The following NLRC5 variants were observed in gnomAD, a reference collection of about 807,000 sequenced individuals.
NLRC5 encodes the protein NLR family CARD domain containing 5.
In NLRC5, 114 loss-of-function variants were observed where a neutral mutation model predicts 206.9. The ratio of observed to expected loss-of-function variants is 0.55; its 90% CI spans 0.47 to 0.64. NLRC5 has a LOEUF of 0.64. Ranked by LOEUF, NLRC5 falls within the 30% of genes least tolerant of loss-of-function variation. The pLI is 0.00. For missense variants in NLRC5, 2,008 were observed against 2,305.5 expected (o/e 0.87, Z 2.64); for synonymous variants, 952 against 962.8 (o/e 0.99, Z 0.21).
At chr16:57,011,392 G>A (rs1416195953) in intron 1 of NLRC5, among the ~76,000 whole-genome samples, 5 of 143,332 alleles carry the variant, frequency 3.5e-5, no homozygotes, top group South Asian at 2.3e-4. Context: ...AAGTCTAGGC[G>A]ACAGAGGGAG....
At chr16:57,075,395 T>C (rs1053829706) in intron 39 of NLRC5, among the ~76,000 whole-genome samples, 1 of 152,132 alleles carries the variant, frequency 6.6e-6, no homozygotes, top group Non-Finnish European at 1.5e-5. Context: ...AATTTTTGTA[T>C]TTTTGGTAGA....
At chr16:57,047,918 C>T (rs546347087) in intron 23 of NLRC5, 1 of 459,622 alleles carries the variant, frequency 2.2e-6, no homozygotes, top group Non-Finnish European at 4.0e-6. Context: ...CCTCCAACCC[C>T]ACCCCTGGAG....
chr16:57,009,929 T>C (rs2142552974), intron 1 of NLRC5, among the ~76,000 whole-genome samples: 1 of 152,054 alleles, frequency 6.6e-6, no homozygotes, highest in Non-Finnish European at 1.5e-5. Flanking sequence ...TATTGGGGGA[T>C]GGGTGGACAG....
intron 26 of NLRC5, 75 bp from the exon 27 acceptor site, chr16:57,055,358 T>G (rs1597379389): frequency 7.1e-7 from 1 of 1,417,812 alleles, no homozygotes; most frequent in African/African-American, 1.4e-5. Context: ...GGCTGTGCCC[T>G]GGGCTAGCCA....
intron 21 of NLRC5, among the ~76,000 whole-genome samples, chr16:57,045,964 G>A (rs775237274): frequency 3.9e-5 from 6 of 152,220 alleles, no homozygotes; most frequent in South Asian, 2.1e-4. Flanking sequence ...TGATGTTCCC[G>A]GCTGCCCTCT....
chr16:57,078,541 G>C (rs970328319), intron 43 of NLRC5, among the ~76,000 whole-genome samples: 2 of 146,952 alleles, frequency 1.4e-5, no homozygotes, highest in Non-Finnish European at 3.0e-5. Context: ...GTGCAACCTC[G>C]GCTCACTGCA....
chr16:57,075,153 G>T (rs905308747), intron 39 of NLRC5, among the ~76,000 whole-genome samples: 2 of 151,312 alleles, frequency 1.3e-5, no homozygotes, highest in Non-Finnish European at 2.9e-5. Context: ...TGATCCTCCT[G>T]CCTCACCCTC....
At position 57,067,781 on chromosome 16, in the gene NLRC5, G is replaced by A. The variant is rs780353927; in HGVS notation, c.4452G>A (p.Leu1484=). 1 of 1,614,206 alleles carries A rather than the reference G, an allele frequency of 6.2e-7. No individual in the cohort carries two copies. Among genetic ancestry groups the A allele is most frequent in the Non-Finnish European group, 8.5e-7 (1 of 1,180,012 alleles). ...GTGAGGACGATGATGCCAGTTCCCT[G>A]CTGCTGCAGAGCCTCCTGCTGTCCC... The part of the protein sequence containing the change: ...NLCEDDDASS[L]LLQSLLLSLS... The change falls in exon 36 of 49, where the codon CTG becomes CTA. Residue 1484 remains leucine (L), a synonymous_variant. Transcript: ENST00000688547.
intron 43 of NLRC5, among the ~76,000 whole-genome samples, chr16:57,078,749 G>A (rs552347340): frequency 6.6e-6 from 1 of 152,244 alleles, no homozygotes; most frequent in East Asian, 1.9e-4. Context: ...GGGATTACAG[G>A]CGTGAGCCAC....
At chr16:56,995,443 A>G (rs289734) in intron 1 of NLRC5, among the ~76,000 whole-genome samples, 121,028 of 152,188 alleles carry the variant, frequency 0.8, 48,458 homozygotes, top group Admixed American at 0.84. Context: ...CTTAGGCTCA[A>G]TCCTCAAAGT....
intron 1 of NLRC5, among the ~76,000 whole-genome samples, chr16:57,007,900 C>A (rs1159698127): frequency 6.6e-6 from 1 of 152,078 alleles, no homozygotes; most frequent in Admixed American, 6.5e-5. Context: ...ACATTTATAA[C>A]CTTGTCTGTG....
rs183530962 is a variant in NLRC5 at position 57,050,226 on chromosome 16, G to T, written c.3423-1312G>T. ...TCTGGAAAGACCACCCTCAATAAAG[G>T]CCCCAGTCCTGACTGTGCCTCAGGG... On this transcript the variant is annotated intron_variant, in intron 23 of 48. Transcript: ENST00000688547. 2.3e-3 allele frequency among the ~76,000 whole-genome samples: 343 copies of T among 152,280 alleles called. 1 individual carries two copies. Among genetic ancestry groups the T allele is most frequent in the Middle Eastern group, 6.8e-3 (2 of 294 alleles).
chr16:57,012,164 A>G (rs75976040), intron 1 of NLRC5, among the ~76,000 whole-genome samples: 4,024 of 152,274 alleles, frequency 0.026, 162 homozygotes, highest in African/African-American at 0.09. Flanking sequence ...ATCTTTAGTG[A>G]TCTTTTTTCA....
intron 11 of NLRC5, 27 bp from the exon 12 acceptor site, chr16:57,033,577 G>A (rs1448239196): frequency 6.2e-7 from 1 of 1,613,176 alleles, no homozygotes; most frequent in Non-Finnish European, 8.5e-7. Context: ...CCTGAGCCCA[G>A]GCCAATGCTT....
At chr16:57,043,724 C>T in intron 20 of NLRC5, 120 bp downstream of exon 20, 1 of 788,746 alleles carries the variant, frequency 1.3e-6, no homozygotes, top group Admixed American at 1.8e-5. Context: ...GCACCTTGGG[C>T]AGTACCAGAT....
intron 20 of NLRC5, among the ~76,000 whole-genome samples, chr16:57,043,985 G>T (rs763716102): frequency 4.0e-5 from 6 of 151,734 alleles, no homozygotes; most frequent in Non-Finnish European, 7.4e-5. Context: ...GTGCCATGTT[G>T]GTATGCTGCA....
chr16:56,999,272 C>T (rs1401112759), intron 1 of NLRC5, among the ~76,000 whole-genome samples: 1 of 152,214 alleles, frequency 6.6e-6, no homozygotes, highest in South Asian at 2.1e-4. Flanking sequence ...AATATTCAGT[C>T]GATCACATTG....
intron 26 of NLRC5, 137 bp from the exon 27 acceptor site, chr16:57,055,296 T>C (rs1428693822): frequency 2.2e-6 from 2 of 919,690 alleles, no homozygotes; most frequent in East Asian, 2.6e-5. Flanking sequence ...CAGTGGATTC[T>C]GGACACTTCC....
intron 39 of NLRC5, 114 bp from the exon 40 acceptor site, chr16:57,076,705 A>G: frequency 1.1e-6 from 1 of 943,758 alleles, no homozygotes; most frequent in Non-Finnish European, 1.7e-6. Flanking sequence ...TTTTGCTACC[A>G]GCATATGAAT....
Sources: gnomAD v4.1 joint callset for allele counts (sites outside exome capture counted in the v4.1 genomes callset) on GRCh38, gnomAD v4.1.1 for gene constraint, MANE v1.5 for transcripts, NCBI Gene and HGNC (gene_info 2026-07-23, HGNC 2026-07-21) for gene names.